The following RAPGEF4 variants were observed in gnomAD, a reference collection of about 807,000 sequenced individuals.
RAPGEF4 encodes RAP guanine-nucleotide-exchange factor (GEF) 4.
RAPGEF4 carries 66 observed loss-of-function variants against 147.9 expected under a neutral mutation model. The observed-to-expected ratio is 0.45, with a 90% CI of 0.37 to 0.55. The LOEUF (loss-of-function observed/expected upper bound fraction) is 0.55. Among genes scored for constraint, RAPGEF4 ranks in the 20% least tolerant of loss-of-function variants. The pLI, the probability that RAPGEF4 is intolerant of heterozygous loss-of-function variation, is 0.00. For missense variants in RAPGEF4, 1,071 were observed against 1,257.3 expected (o/e 0.85, Z 2.24); for synonymous variants, 419 against 442.7 (o/e 0.95, Z 0.67).
At chr2:172,795,215 G>C (rs755028743) in intron 2 of RAPGEF4, 48 bp downstream of exon 2, 1 of 1,539,762 alleles carries the variant, frequency 6.5e-7, no homozygotes, top group Non-Finnish European at 8.9e-7. Context: ...GGTTTATGCT[G>C]ATTTGTGGTT....
intron 4 of RAPGEF4, among the ~76,000 whole-genome samples, chr2:172,868,894 T>C (rs1375727213): frequency 6.6e-6 from 1 of 152,034 alleles, no homozygotes; most frequent in Non-Finnish European, 1.5e-5. Context: ...TGGTGGAAGG[T>C]GAAGGGGGAG....
chr2:172,935,707 A>C (rs1355476645), intron 6 of RAPGEF4, among the ~76,000 whole-genome samples: 1 of 152,210 alleles, frequency 6.6e-6, no homozygotes, highest in African/African-American at 2.4e-5. Context: ...AAGTCCATGC[A>C]TTCCATTCAG....
chr2:172,893,614 A>T (rs1480172266), intron 4 of RAPGEF4: 1 of 152,098 alleles, frequency 6.6e-6, no homozygotes. Flanking sequence ...TTTTAGTTAG[A>T]GCCTCAGGTG....
chr2:173,030,126 G>A, intron 25 of RAPGEF4, 38 bp from the exon 26 acceptor site: 2 of 1,406,704 alleles, frequency 1.4e-6, no homozygotes, highest in Non-Finnish European at 2.0e-6. Flanking sequence ...TCACACAGAA[G>A]TAACATTTTA....
chr2:172,923,493 C>G (rs1251678548), intron 6 of RAPGEF4, among the ~76,000 whole-genome samples: 1 of 152,174 alleles, frequency 6.6e-6, no homozygotes, highest in Non-Finnish European at 1.5e-5. Flanking sequence ...GTCTCGAACT[C>G]CTGACCTCAA....
chr2:172,950,858 AT>A (rs1198229215), intron 6 of RAPGEF4, among the ~76,000 whole-genome samples: 2 of 152,216 alleles, frequency 1.3e-5, no homozygotes, highest in African/African-American at 4.8e-5. Flanking sequence ...ACTAGATCCA[AT>A]CTTTAGAAAT....
At chr2:172,908,109 A>G (rs1228500063) in intron 4 of RAPGEF4, among the ~76,000 whole-genome samples, 2 of 152,218 alleles carry the variant, frequency 1.3e-5, no homozygotes, top group African/African-American at 4.8e-5. Context: ...ATGCAGAGGA[A>G]ATCAATACAT....
intron 5 of RAPGEF4, among the ~76,000 whole-genome samples, chr2:172,918,586 C>T (rs932591116): frequency 2.5e-4 from 38 of 152,244 alleles, no homozygotes; most frequent in African/African-American, 9.1e-4. Flanking sequence ...CGAAGTTTTT[C>T]TCTGTGGTAT....
In RAPGEF4 at chr2:172,826,700, C is replaced by G. The variant is rs138990425; in HGVS notation, c.444+12275C>G. 3.3e-5 allele frequency among the ~76,000 whole-genome samples: 5 copies of G among 152,290 alleles called. No homozygotes were observed. The East Asian group carries it at 9.7e-4, about 29-fold the overall frequency. The stretch of plus-strand genomic sequence containing the variant: ...AAAGTTATAAAGCTGGGCTCGGTGA[C>G]TCATGCCTGTAATCCCAGCACTTTG... On this transcript the variant is annotated intron_variant, in intron 4 of 30. Coordinates refer to ENST00000397081, the MANE Select transcript of RAPGEF4 (RefSeq NM_007023.4).
intron 6 of RAPGEF4, among the ~76,000 whole-genome samples, chr2:172,925,740 A>G (rs1018229153): frequency 1.4e-5 from 2 of 144,496 alleles, no homozygotes; most frequent in African/African-American, 5.1e-5. Context: ...GTGAGAAGAA[A>G]GAGAAAGAGA....
chr2:172,989,657 T>C (rs1293722426), intron 14 of RAPGEF4, among the ~76,000 whole-genome samples: 1 of 152,196 alleles, frequency 6.6e-6, no homozygotes, highest in Non-Finnish European at 1.5e-5. Flanking sequence ...CTTTTAGGGA[T>C]GGTGACGATG....
chr2:172,949,594 T>A (rs1688014161), intron 6 of RAPGEF4, among the ~76,000 whole-genome samples: 1 of 152,208 alleles, frequency 6.6e-6, no homozygotes. Context: ...TTTAAAGCAG[T>A]TTCTATAGCT....
chr2:173,038,875 G>GT (rs1251494714), intron 29 of RAPGEF4, among the ~76,000 whole-genome samples: 2 of 152,338 alleles, frequency 1.3e-5, no homozygotes, highest in African/African-American at 4.8e-5. Flanking sequence ...TTTCATCTGA[G>GT]TTTTGAGATC....
chr2:172,846,660 C>A (rs1423205368), intron 4 of RAPGEF4, among the ~76,000 whole-genome samples: 1 of 152,168 alleles, frequency 6.6e-6, no homozygotes, highest in African/African-American at 2.4e-5. Flanking sequence ...TCATGGTGAA[C>A]CACGCTCTGT....
intron 23 of RAPGEF4, 89 bp downstream of exon 23, chr2:173,020,804 T>TA (rs1696016682): frequency 2.0e-6 from 2 of 979,630 alleles, no homozygotes. Flanking sequence ...ACCCAGTGGC[T>TA]AAAAAATCTT....
chr2:172,747,404 T>C (rs527586630), intron 1 of RAPGEF4, among the ~76,000 whole-genome samples: 1 of 152,364 alleles, frequency 6.6e-6, no homozygotes, highest in East Asian at 1.9e-4. Context: ...AAATACAGTA[T>C]TGTTAACTAT....
rs1553548086 is a variant in RAPGEF4 at position 173,011,170 on chromosome 2, GCA to G, written c.1659-3256_1659-3255del. ...AACCTTGGAACTTCAGCGCGCGCGC[GCA>G]CACACACACACACACACACACACAC... On this transcript the variant is annotated intron_variant, in intron 17 of 30. Transcript: ENST00000397081. Among the ~76,000 whole-genome samples the G allele has an allele frequency of 2.0e-3, 268 of 133,558 alleles. 4 individuals are homozygous for G. The highest frequency in any genetic ancestry group is 4.5e-3 in the South Asian group (17 of 3,816). 87.6% of individuals were successfully genotyped at this position (133,558 alleles called of 152,430 possible).
At chr2:172,923,863 T>C (rs1685011748) in intron 6 of RAPGEF4, among the ~76,000 whole-genome samples, 1 of 152,208 alleles carries the variant, frequency 6.6e-6, no homozygotes. Flanking sequence ...TTCTAGCTAC[T>C]CTTCACCTCT....
chr2:172,995,728 C>T (rs894727107), intron 15 of RAPGEF4, among the ~76,000 whole-genome samples: 3 of 152,194 alleles, frequency 2.0e-5, no homozygotes, highest in Non-Finnish European at 2.9e-5. Context: ...GATTTTGAAA[C>T]AGTTCACATG....
Sources: allele counts gnomAD v4.1 joint callset (sites outside exome capture counted in the v4.1 genomes callset), GRCh38; gene constraint gnomAD v4.1.1; transcripts MANE v1.5; gene names NCBI Gene and HGNC (gene_info 2026-07-23, HGNC 2026-07-21).